Variants in MEIS1 observed in about 807,000 individuals in gnomAD.
The protein encoded by MEIS1 is Meis homeobox 1.
MEIS1 carries 5 observed loss-of-function variants against 50.8 expected under a neutral mutation model. That is an observed-to-expected ratio of 0.10 (90% CI 0.05 to 0.21). The LOEUF is 0.21. MEIS1 is among the 10% of genes least tolerant of loss of function. The pLI is 1.00. For synonymous variants in MEIS1, 176 were observed against 179.3 expected, an observed-to-expected ratio of 0.98 and a Z score of 0.15; for missense variants, 318 against 517.3, an observed-to-expected ratio of 0.61 and a Z score of 3.74.
chr2:66,488,918 CAAA>C (rs1314823547), intron 7 of MEIS1, among the ~76,000 whole-genome samples: 2 of 152,128 alleles, frequency 1.3e-5, no homozygotes, highest in Non-Finnish European at 2.9e-5. Flanking sequence ...TTCTCTCTTC[CAAA>C]TGTAAATATA....
chr2:66,479,343 A>G (rs1401447), intron 7 of MEIS1, among the ~76,000 whole-genome samples: 3,617 of 152,292 alleles, frequency 0.024, 149 homozygotes, highest in African/African-American at 0.082. Flanking sequence ...GGCAATAGAC[A>G]TATACGCCTT....
In MEIS1 at chr2:66,518,770, G is replaced by GTTCT. The variant is rs1349930537; in HGVS notation, c.888+6486_888+6489dup. Among the ~76,000 whole-genome samples the GTTCT allele has an allele frequency of 2.6e-5, 4 of 152,148 alleles. No individual in the cohort carries two copies. The East Asian group carries it at 7.7e-4, about 29-fold the overall frequency. ...CCCCTAGGAATTTTATGCTAGTTTG[G>GTTCT]TTCTTTCTTTCTTCATGTTTAAGAT... On this transcript the variant is annotated intron_variant, in intron 8 of 12. Transcript: ENST00000272369.
rs1040778147 is a variant in MEIS1 at position 66,435,231 on chromosome 2, C to G, written c.-626C>G. Reference sequence around the variant, plus strand: ...GTGGCTCCTTTAAGACAAACTCAGACAGACATTTTTTTTAACCCTCCTTCT... The same window carrying G: ...GTGGCTCCTTTAAGACAAACTCAGAGAGACATTTTTTTTAACCCTCCTTCT... On this transcript the variant is annotated 5_prime_UTR_variant, in exon 1 of 13. Transcript: ENST00000272369. 2 of 152,560 alleles carry G rather than the reference C, an allele frequency of 1.3e-5. No homozygotes were observed. The highest frequency in any genetic ancestry group is 4.8e-5 in the African/African-American group (2 of 41,452). 9.5% of individuals were successfully genotyped at this position (152,560 alleles called of 1,614,324 possible).
chr2:66,558,279 C>CA (rs59017279), intron 9 of MEIS1, among the ~76,000 whole-genome samples: 11,792 of 57,238 alleles, frequency 0.21, 1,402 homozygotes, highest in Non-Finnish European at 0.22. Flanking sequence ...AACTCCATCT[C>CA]AAAAAAAAAA....
intron 7 of MEIS1, among the ~76,000 whole-genome samples, chr2:66,495,380 C>T (rs893366064): frequency 6.6e-6 from 1 of 152,088 alleles, no homozygotes; most frequent in African/African-American, 2.4e-5. Flanking sequence ...CGGTCTTTTT[C>T]ATCATATTAG....
chr2:66,524,292 T>A (rs938219935), intron 8 of MEIS1, among the ~76,000 whole-genome samples: 11 of 152,210 alleles, frequency 7.2e-5, no homozygotes, highest in Non-Finnish European at 1.6e-4. Context: ...CTAGGAGCAG[T>A]GGCTGTTGCC....
intron 7 of MEIS1, among the ~76,000 whole-genome samples, chr2:66,476,896 G>A (rs1414447272): frequency 6.6e-6 from 1 of 151,754 alleles, no homozygotes. Context: ...AGAGGGGCAT[G>A]TAAGGAAAAA....
At chr2:66,501,765 A>G (rs1166546313) in intron 7 of MEIS1, among the ~76,000 whole-genome samples, 1 of 152,142 alleles carries the variant, frequency 6.6e-6, no homozygotes, top group Non-Finnish European at 1.5e-5. Context: ...TAAACTATAA[A>G]TCTGAACACT....
At chr2:66,510,487 C>T (rs1237269262) in intron 7 of MEIS1, among the ~76,000 whole-genome samples, 1 of 152,030 alleles carries the variant, frequency 6.6e-6, no homozygotes, top group Non-Finnish European at 1.5e-5. Context: ...AGATATGTTT[C>T]TGTTAAACTT....
At chr2:66,569,382 A>G (rs1675428664) in intron 12 of MEIS1, 1 of 285,018 alleles carries the variant, frequency 3.5e-6, no homozygotes, top group East Asian at 7.0e-5. Context: ...ACCACATGAC[A>G]AAACAAGAAG....
rs1558562193 is a variant in MEIS1 at position 66,555,278 on chromosome 2, C to CTT, written c.965+7260_965+7261insTT. Among the ~76,000 whole-genome samples, 25 of 24,702 alleles carry CTT rather than the reference C, an allele frequency of 1.0e-3. No homozygotes were observed. The South Asian group carries it at 0.062, about 61-fold the overall frequency. The allele number at this position is 24,702 out of a possible 152,430, so 16.2% of individuals were successfully genotyped here. On this transcript the variant is annotated intron_variant, in intron 9 of 12. Transcript: ENST00000272369. ...GTTCTCTCTCTCTCTCTCTCTCTCT[C>CTT]TCGTCTCTCTCCACCCCCCAAACCC...
chr2:66,462,081 A>G (rs1672533250), intron 6 of MEIS1, among the ~76,000 whole-genome samples: 2 of 152,220 alleles, frequency 1.3e-5, no homozygotes, highest in South Asian at 4.1e-4. Context: ...GGAGCTCATT[A>G]AAAGATAGTG....
intron 6 of MEIS1, among the ~76,000 whole-genome samples, chr2:66,446,739 C>T (rs929535135): frequency 6.6e-6 from 1 of 152,134 alleles, no homozygotes; most frequent in Non-Finnish European, 1.5e-5. Context: ...GAGCCACGCT[C>T]GCCAGGCAGG....
At chr2:66,442,270 T>TAAAA (rs11292294) in intron 5 of MEIS1, among the ~76,000 whole-genome samples, 137 of 114,550 alleles carry the variant, frequency 1.2e-3, no homozygotes, top group Middle Eastern at 4.6e-3. Context: ...CTCCTTTTTG[T>TAAAA]AAAAAAAAAA....
rs189373139 is a variant in MEIS1, at chr2:66,481,591, G to C, written c.742+17371G>C. Among the ~76,000 whole-genome samples, 7 of 152,250 alleles carry C rather than the reference G, an allele frequency of 4.6e-5. No homozygotes were observed. The East Asian group carries it at 1.2e-3, about 25-fold the overall frequency. On this transcript the variant is annotated intron_variant, in intron 7 of 12. Transcript: ENST00000272369. ...GGGTTGCAAGAGTTGGGGCCTGTTGGCTTGATTTTTCAATCCTGGTACCTT... is the reference window on the plus strand; with the variant it reads ...GGGTTGCAAGAGTTGGGGCCTGTTGCCTTGATTTTTCAATCCTGGTACCTT...
rs560157393 is a variant in MEIS1, at chr2:66,494,942, C to T, written c.743-17207C>T. Among the ~76,000 whole-genome samples the T allele has an allele frequency of 1.3e-4, 20 of 152,140 alleles. No homozygotes were observed. In the South Asian group the frequency reaches 4.0e-3, roughly 30 times the overall value. On this transcript the variant is annotated intron_variant, in intron 7 of 12. Transcript: ENST00000272369. ...CTTGGAAAGACGAGAAATAGTGGCC[C>T]GGTGTTGCGAAATTACTGTTTGACC...
intron 8 of MEIS1, among the ~76,000 whole-genome samples, chr2:66,533,865 A>G (rs1355398507): frequency 6.6e-6 from 1 of 152,200 alleles, no homozygotes; most frequent in Non-Finnish European, 1.5e-5. Context: ...GTCCAAATAA[A>G]GAGAATTACA....
intron 8 of MEIS1, among the ~76,000 whole-genome samples, chr2:66,537,530 C>T (rs1558555355): frequency 6.6e-6 from 1 of 152,106 alleles, no homozygotes; most frequent in African/African-American, 2.4e-5. Flanking sequence ...CACGAATTCT[C>T]CATCTCATTC....
chr2:66,527,524 C>T (rs544941111), intron 8 of MEIS1, among the ~76,000 whole-genome samples: 1 of 151,502 alleles, frequency 6.6e-6, no homozygotes, highest in Non-Finnish European at 1.5e-5. Flanking sequence ...GCTGGGGGCC[C>T]CTGTGTAGCC....
Sources: gnomAD v4.1 joint callset for allele counts (sites outside exome capture counted in the v4.1 genomes callset) on GRCh38, gnomAD v4.1.1 for gene constraint, MANE v1.5 for transcripts, NCBI Gene and HGNC (gene_info 2026-07-23, HGNC 2026-07-21) for gene names.